The following PCDHGA6 variants were observed in gnomAD, a reference collection of about 807,000 sequenced individuals.
PCDHGA6 encodes the protein protocadherin gamma-A6.
A neutral mutation model predicts 60.6 loss-of-function variants in PCDHGA6; 41 were observed. The observed-to-expected ratio is 0.68, with a 90% CI of 0.53 to 0.88. The LOEUF is 0.88. PCDHGA6 is among the 40% of genes least tolerant of loss of function. The pLI is 0.00. For missense variants in PCDHGA6, 1,312 were observed against 1,203.0 expected, an observed-to-expected ratio of 1.09 and a Z score of -1.34; for synonymous variants, 594 against 524.4, an observed-to-expected ratio of 1.13 and a Z score of -1.81.
chr5:141,390,746 T>C (rs1391007986), intron 1 of PCDHGA6: 1 of 172,782 alleles, frequency 5.8e-6, no homozygotes, highest in African/African-American at 2.4e-5. Context: ...TCCATAGTAG[T>C]CCACTGTTTT....
intron 1 of PCDHGA6, among the ~76,000 whole-genome samples, chr5:141,452,529 G>A (rs758947494): frequency 1.3e-5 from 2 of 152,176 alleles, no homozygotes; most frequent in Non-Finnish European, 2.9e-5. Context: ...AAAATCGTGA[G>A]TTCATATTGA....
chr5:141,404,081 G>A (rs1436868245), intron 1 of PCDHGA6: 10 of 1,613,302 alleles, frequency 6.2e-6, no homozygotes, highest in South Asian at 2.2e-5. Context: ...CCGAGACTCC[G>A]GGAAGAATGG....
At position 141,502,866 on chromosome 5, in the gene PCDHGA6, C is replaced by CTTTTTTTTTTT. The variant is rs549047197; in HGVS notation, c.2484-2523_2484-2513dup. Among the ~76,000 whole-genome samples the CTTTTTTTTTTT allele has an allele frequency of 4.4e-4, 56 of 128,014 alleles. 1 individual carries two copies. The highest frequency in any genetic ancestry group is 5.1e-4 in the Non-Finnish European group (32 of 62,412). The allele number at this position is 128,014 out of a possible 152,430, so 84.0% of individuals were successfully genotyped here. ...GAGCTGCCTAACCCTGACTCTCTGTCTTTTTTTTTTTTTTGACAGGGAGTC... is the reference window on the plus strand; with the variant it reads ...GAGCTGCCTAACCCTGACTCTCTGTCTTTTTTTTTTTTTTTTTTTTTTTTTGACAGGGAGTC... On this transcript the variant is annotated intron_variant, in intron 2 of 3. Coordinates refer to ENST00000517434, the MANE Select transcript of PCDHGA6 (RefSeq NM_018919.3).
Position 141,432,093 on chromosome 5 carries a change from CCAACGA to C in PCDHGA6, c.2424+55591_2424+55596del. 1.2e-6 allele frequency: 2 copies of C among 1,614,170 alleles called. No individual in the cohort carries two copies. The highest frequency in any genetic ancestry group is 1.7e-6 in the Non-Finnish European group (2 of 1,180,046). On this transcript the variant is annotated intron_variant, in intron 1 of 3. Coordinates refer to ENST00000517434, the MANE Select transcript of PCDHGA6 (RefSeq NM_018919.3). The surrounding 1 kb of genome is among the most constrained non-coding windows in gnomAD (Gnocchi z 6.0). ...CATATCTCGCTGAACGTGGCAGACA[CCAACGA>C]CAACCCGCCGGTCTTCCCTCAGGCC...
At position 141,431,784 on chromosome 5, in the gene PCDHGA6, A is replaced by G; in HGVS notation, c.2424+55277A>G. On this transcript the variant is annotated intron_variant, in intron 1 of 3. Coordinates refer to ENST00000517434, the MANE Select transcript of PCDHGA6 (RefSeq NM_018919.3). The surrounding 1 kb of genome is among the most constrained non-coding windows in gnomAD (Gnocchi z 4.8). ...CTGATCACTGTTCTGGACGTGAACG[A>G]CAATGCCCCAGAAGTGGTCCTCACC... 1 of 1,614,220 alleles carries G rather than the reference A, an allele frequency of 6.2e-7. No individual in the cohort carries two copies. Among genetic ancestry groups the G allele is most frequent in the Non-Finnish European group, 8.5e-7 (1 of 1,180,022 alleles).
rs181202785 is a variant in PCDHGA6, at chr5:141,458,320, G to A, written c.2425-36487G>A. On this transcript the variant is annotated intron_variant, in intron 1 of 3. Transcript: ENST00000517434. ...TTTAGATAAAATGACACAGACACAT[G>A]TGGAGTGGTTTTAAGGAGTGGAGAG... is the stretch of plus-strand genomic sequence containing the variant. Among the ~76,000 whole-genome samples the A allele has an allele frequency of 3.2e-3, 490 of 152,250 alleles. 4 individuals are homozygous for A. The highest frequency in any genetic ancestry group is 0.017 in the Middle Eastern group (5 of 294).
At chr5:141,393,909 A>G (rs2092874602) in intron 1 of PCDHGA6, 1 of 1,613,980 alleles carries the variant, frequency 6.2e-7, no homozygotes, top group Non-Finnish European at 8.5e-7. Flanking sequence ...CGGGACAGTA[A>G]TTGCCTTCTT....
intron 1 of PCDHGA6, among the ~76,000 whole-genome samples, chr5:141,438,641 C>T (rs1285585706): frequency 0.044 from 3,509 of 79,018 alleles, 123 homozygotes; most frequent in Non-Finnish European, 0.061. Flanking sequence ...TATATACACA[C>T]ACACACACAC....
rs1220353816 is a variant in PCDHGA6, at chr5:141,396,426, C to T, written c.2424+19919C>T. Reference sequence around the variant, plus strand: ...CTGAGGTCAGGAGTTCAAGATCAGCCTGGCAAACATGGTGAAACCCCGTCT... The same window carrying T: ...CTGAGGTCAGGAGTTCAAGATCAGCTTGGCAAACATGGTGAAACCCCGTCT... On this transcript the variant is annotated intron_variant, in intron 1 of 3. Coordinates refer to ENST00000517434, the MANE Select transcript of PCDHGA6 (RefSeq NM_018919.3). The T allele has an allele frequency of 5.9e-5, 9 of 152,308 alleles. 1 individual carries two copies. The highest frequency in any genetic ancestry group is 2.2e-4 in the African/African-American group (9 of 41,552). 9.4% of individuals were successfully genotyped at this position (152,308 alleles called of 1,614,324 possible). A position where few individuals can be genotyped will look rare whatever the true frequency, so the allele number is the denominator to read the frequency against.
chr5:141,458,385 C>T (rs1371423838), intron 1 of PCDHGA6, among the ~76,000 whole-genome samples: 15 of 152,104 alleles, frequency 9.9e-5, no homozygotes, highest in East Asian at 1.9e-4. Context: ...AGAAGGAAGA[C>T]GCTCCCCCTT....
intron 2 of PCDHGA6, among the ~76,000 whole-genome samples, chr5:141,496,538 T>G (rs568286018): frequency 1.5e-4 from 23 of 152,266 alleles, no homozygotes; most frequent in African/African-American, 5.5e-4. Flanking sequence ...TGGCAGAGAT[T>G]CCAGCTTCTG....
intron 1 of PCDHGA6, chr5:141,430,707 CT>C: frequency 6.8e-7 from 1 of 1,478,562 alleles, no homozygotes; most frequent in Non-Finnish European, 9.0e-7. Context: ...GGAACTGCTC[CT>C]GACTTCAGTG....
intron 1 of PCDHGA6, among the ~76,000 whole-genome samples, chr5:141,462,068 C>T (rs1006462521): frequency 6.6e-6 from 1 of 152,196 alleles, no homozygotes; most frequent in African/African-American, 2.4e-5. Context: ...GGTGATCTGC[C>T]CGCCTTGGCC....
At chr5:141,384,648 G>A in intron 1 of PCDHGA6, 1 of 1,614,238 alleles carries the variant, frequency 6.2e-7, no homozygotes, top group Middle Eastern at 1.6e-4. Flanking sequence ...GCTCCGCAGA[G>A]CCCGGCTACC....
At chr5:141,395,309 CATT>C in intron 1 of PCDHGA6, 1 of 1,506,030 alleles carries the variant, frequency 6.6e-7, no homozygotes, top group Non-Finnish European at 8.9e-7. Flanking sequence ...TTTTGAAAAA[CATT>C]GTGAAGATAG....
chr5:141,488,128 G>T (rs1412334197), intron 1 of PCDHGA6, among the ~76,000 whole-genome samples: 1 of 152,226 alleles, frequency 6.6e-6, no homozygotes, highest in Non-Finnish European at 1.5e-5. Context: ...ACAGCAGAAA[G>T]AGGAGAGAAC....
At chr5:141,509,354 A>G (rs1229726913) in intron 3 of PCDHGA6, among the ~76,000 whole-genome samples, 2 of 152,144 alleles carry the variant, frequency 1.3e-5, no homozygotes, top group Non-Finnish European at 2.9e-5. Context: ...TGGCCTGGGC[A>G]TCCCTGAGGT....
At chr5:141,467,596 C>G (rs2099147035) in intron 1 of PCDHGA6, among the ~76,000 whole-genome samples, 1 of 152,202 alleles carries the variant, frequency 6.6e-6, no homozygotes, top group South Asian at 2.1e-4. Context: ...ATTTATTAAG[C>G]ACTTCATCTT....
intron 1 of PCDHGA6, chr5:141,421,105 G>A: frequency 1.4e-6 from 1 of 700,910 alleles, no homozygotes; most frequent in Non-Finnish European, 2.3e-6. Context: ...TGGAGACTTA[G>A]AAGTATTTTC....
Sources: gnomAD v4.1 joint callset for allele counts (sites outside exome capture counted in the v4.1 genomes callset) on GRCh38, gnomAD v4.1.1 for gene constraint, Gnocchi (gnomAD v3.1) non-coding constraint, MANE v1.5 for transcripts, NCBI Gene and HGNC (gene_info 2026-07-23, HGNC 2026-07-21) for gene names.